The following MAP2K5 variants were observed in gnomAD, a reference collection of about 807,000 sequenced individuals.
MAP2K5 encodes the protein mitogen-activated protein kinase kinase 5, also known as dual specificity mitogen-activated protein kinase kinase 5.
In MAP2K5, 49 loss-of-function variants were observed where a neutral mutation model predicts 83.1. The ratio of observed to expected loss-of-function variants is 0.59; its 90% CI spans 0.47 to 0.75. MAP2K5 has a LOEUF of 0.75. Ranked by LOEUF, MAP2K5 falls within the 30% of genes least tolerant of loss-of-function variation. The probability of loss-of-function intolerance (pLI) is 0.00; values close to 1 mark genes in which losing one functional copy is unlikely to be tolerated. For synonymous variants in MAP2K5, 202 were observed against 191.8 expected (o/e 1.05, Z -0.44); for missense variants, 457 against 557.5 (o/e 0.82, Z 1.82).
chr15:67,661,649 A>G (rs1430767491), intron 12 of MAP2K5, among the ~76,000 whole-genome samples: 2 of 152,194 alleles, frequency 1.3e-5, no homozygotes, highest in African/African-American at 4.8e-5. Context: ...ATATTATAAA[A>G]TCAGTATTTG....
intron 8 of MAP2K5, among the ~76,000 whole-genome samples, chr15:67,616,489 A>G (rs1423485281): frequency 6.6e-6 from 1 of 152,124 alleles, no homozygotes; most frequent in Admixed American, 6.5e-5. Context: ...ACGTCCTATA[A>G]ATCCCTAGGG....
In MAP2K5 at chr15:67,794,371, T is replaced by A. The variant is rs1175488691; in HGVS notation, c.1243-12275T>A. On this transcript the variant is annotated intron_variant, in intron 21 of 21. Transcript: ENST00000178640. The surrounding 1 kb of genome is among the most constrained non-coding windows in gnomAD (Gnocchi z 4.6). Reference sequence around the variant, plus strand: ...TATTTGCTGCTGGGATGCAAAACAATCAGAATTTTCGAAGAGTTTGCTTCC... The same window carrying A: ...TATTTGCTGCTGGGATGCAAAACAAACAGAATTTTCGAAGAGTTTGCTTCC... Among the ~76,000 whole-genome samples, 3 of 152,168 alleles carry A rather than the reference T, an allele frequency of 2.0e-5. No individual in the cohort carries two copies.
At chr15:67,624,602 T>TGTGC (rs1246334511) in intron 8 of MAP2K5, among the ~76,000 whole-genome samples, 2 of 20,670 alleles carry the variant, frequency 9.7e-5, no homozygotes, top group African/African-American at 2.3e-4. Context: ...TGTGTGTGTG[T>TGTGC]GTGTGTGTGT....
intron 2 of MAP2K5, among the ~76,000 whole-genome samples, chr15:67,553,160 T>C (rs535951049): frequency 1.3e-5 from 2 of 152,240 alleles, no homozygotes; most frequent in South Asian, 2.1e-4. Context: ...GTCTGTGAAA[T>C]AGGAAAATTA....
chr15:67,635,674 G>T (rs2086587756), intron 9 of MAP2K5, among the ~76,000 whole-genome samples: 1 of 151,782 alleles, frequency 6.6e-6, no homozygotes, highest in African/African-American at 2.4e-5. Context: ...TTCAGCTTTT[G>T]TATGTCTAAA....
At chr15:67,696,485 A>G (rs1376070502) in intron 15 of MAP2K5, among the ~76,000 whole-genome samples, 1 of 152,196 alleles carries the variant, frequency 6.6e-6, no homozygotes, top group Non-Finnish European at 1.5e-5. Context: ...CCCCTGATCT[A>G]TGCCAGTGAA....
chr15:67,698,805 C>T lies in MAP2K5; in HGVS notation c.973-4532C>T, dbSNP rs963205836. ...ATGATCCAACTCAATTGGCTATGCT[C>T]ATGCGATGGTAGTAATGGTAGTGGT... On this transcript the variant is annotated intron_variant, in intron 15 of 21. Transcript: ENST00000178640. This position sits in a 1 kb window ranked among gnomAD's most constrained non-coding sequence, Gnocchi z 4.5. Among the ~76,000 whole-genome samples the T allele has an allele frequency of 1.3e-5, 2 of 152,122 alleles. No individual in the cohort carries two copies. The highest frequency in any genetic ancestry group is 6.6e-5 in the Admixed American group (1 of 15,256).
intron 13 of MAP2K5, among the ~76,000 whole-genome samples, chr15:67,673,764 A>G (rs2141171428): frequency 6.6e-6 from 1 of 152,336 alleles, no homozygotes; most frequent in South Asian, 2.1e-4. Flanking sequence ...AGAGATCTAC[A>G]TAGTTTGTGA....
intron 13 of MAP2K5, among the ~76,000 whole-genome samples, chr15:67,670,864 T>G (rs1055704708): frequency 6.6e-6 from 1 of 152,204 alleles, no homozygotes; most frequent in African/African-American, 2.4e-5. Context: ...ATTTGAAACA[T>G]CTGGAAATTG....
At position 67,750,466 on chromosome 15, in the gene MAP2K5, A is replaced by G. The variant is rs2089693738; in HGVS notation, c.1134+1865A>G. On this transcript the variant is annotated intron_variant, in intron 19 of 21. Transcript: ENST00000178640. The surrounding 1 kb of genome is among the most constrained non-coding windows in gnomAD (Gnocchi z 4.2). ...ATTGGTGGGGTCCTGTACTTACTGC[A>G]CTTGTCCTATGTGTCTGTCAGAGTT... is the stretch of plus-strand genomic sequence containing the variant. 6.6e-6 allele frequency among the ~76,000 whole-genome samples: 1 copy of G among 152,220 alleles called. No individual in the cohort carries two copies. The highest frequency in any genetic ancestry group is 6.5e-5 in the Admixed American group (1 of 15,282).
At chr15:67,759,779 C>T (rs1380777552) in intron 19 of MAP2K5, among the ~76,000 whole-genome samples, 1 of 152,188 alleles carries the variant, frequency 6.6e-6, no homozygotes. Flanking sequence ...ACAGGACCTG[C>T]AGACCCACAG....
chr15:67,631,153 A>G (rs2086465006), intron 9 of MAP2K5, among the ~76,000 whole-genome samples: 1 of 152,224 alleles, frequency 6.6e-6, no homozygotes, highest in Admixed American at 6.5e-5. Flanking sequence ...CTTCTTGCCA[A>G]GAAGAGAAAA....
intron 21 of MAP2K5, among the ~76,000 whole-genome samples, chr15:67,796,606 T>C (rs1434546940): frequency 6.6e-6 from 1 of 152,242 alleles, no homozygotes; most frequent in Non-Finnish European, 1.5e-5. Flanking sequence ...ACATTGGTGA[T>C]TACATTTCAA....
At chr15:67,795,032 C>T (rs2090581864) in intron 21 of MAP2K5, among the ~76,000 whole-genome samples, 1 of 152,248 alleles carries the variant, frequency 6.6e-6, no homozygotes, top group South Asian at 2.1e-4. Flanking sequence ...TATCACTTCT[C>T]CACTTCTCAT....
chr15:67,585,122 A>G (rs558216996), intron 4 of MAP2K5, among the ~76,000 whole-genome samples: 17 of 151,956 alleles, frequency 1.1e-4, no homozygotes, highest in African/African-American at 4.1e-4. Context: ...CCAAACAATC[A>G]ATCAAAATTG....
At chr15:67,754,160 A>G (rs1197425446) in intron 19 of MAP2K5, among the ~76,000 whole-genome samples, 2 of 152,242 alleles carry the variant, frequency 1.3e-5, no homozygotes, top group African/African-American at 4.8e-5. Flanking sequence ...ATTGAGAATG[A>G]CTGTCACAGG....
At chr15:67,667,957 AC>A (rs1161745725) in intron 13 of MAP2K5, among the ~76,000 whole-genome samples, 1 of 152,184 alleles carries the variant, frequency 6.6e-6, no homozygotes, top group East Asian at 1.9e-4. Context: ...GCAGCGGCAA[AC>A]CACTCATCCC....
chr15:67,732,183 G>A (rs148755837), intron 17 of MAP2K5, among the ~76,000 whole-genome samples: 7 of 152,302 alleles, frequency 4.6e-5, no homozygotes, highest in South Asian at 2.1e-4. Flanking sequence ...ACAAGGACTG[G>A]AGCTGCCTAT....
At chr15:67,550,643 A>ACAT (rs1387646999) in intron 2 of MAP2K5, among the ~76,000 whole-genome samples, 2 of 152,096 alleles carry the variant, frequency 1.3e-5, no homozygotes, top group African/African-American at 4.8e-5. Context: ...ATTGCAGAGG[A>ACAT]CATCATGGAA....
Sources: allele counts gnomAD v4.1 joint callset (sites outside exome capture counted in the v4.1 genomes callset), GRCh38; gene constraint gnomAD v4.1.1; non-coding constraint Gnocchi (gnomAD v3.1); transcripts MANE v1.5; gene names NCBI Gene and HGNC (gene_info 2026-07-23, HGNC 2026-07-21).